Variants in GPD2 observed in about 807,000 individuals in gnomAD.
GPD2 encodes the protein glycerol-3-phosphate dehydrogenase 2.
In GPD2, 54 loss-of-function variants were observed where a neutral mutation model predicts 82.4. The ratio of observed to expected loss-of-function variants is 0.66; its 90% CI spans 0.53 to 0.82. The LOEUF is 0.82. Ranked by LOEUF, GPD2 falls within the 40% of genes least tolerant of loss-of-function variation. The pLI, the probability that GPD2 is intolerant of heterozygous loss-of-function variation, is 0.00. For missense variants in GPD2, 748 were observed against 896.2 expected (o/e 0.83, Z 2.11); for synonymous variants, 288 against 306.1 (o/e 0.94, Z 0.62).
At chr2:156,535,271 A>T (rs1053022300) in intron 6 of GPD2, among the ~76,000 whole-genome samples, 2 of 150,762 alleles carry the variant, frequency 1.3e-5, no homozygotes, top group African/African-American at 4.9e-5. Flanking sequence ...AAGGAATCCC[A>T]GGTGAGAGAG....
At chr2:156,400,808 G>A in the GPD2 span, among the ~76,000 whole-genome samples, 1 of 152,230 alleles carries the variant, frequency 6.6e-6, no homozygotes, top group Non-Finnish European at 1.5e-5. Flanking sequence ...CTTCGCATGT[G>A]TGAGGTCCCG....
chr2:156,562,416 A>G (rs1176678251), intron 9 of GPD2, among the ~76,000 whole-genome samples: 1 of 152,214 alleles, frequency 6.6e-6, no homozygotes, highest in Non-Finnish European at 1.5e-5. Flanking sequence ...TCATTAGTTT[A>G]TAAATGTAAT....
chr2:156,488,564 A>G (rs1684031920), intron 2 of GPD2, among the ~76,000 whole-genome samples: 1 of 151,958 alleles, frequency 6.6e-6, no homozygotes, highest in Non-Finnish European at 1.5e-5. Context: ...AGAAATAGAC[A>G]CTAATTATTA....
At chr2:156,541,700 C>G (rs896387675) in intron 6 of GPD2, among the ~76,000 whole-genome samples, 1 of 152,128 alleles carries the variant, frequency 6.6e-6, no homozygotes. Flanking sequence ...GGCCATATAA[C>G]TGCATAGCCT....
chr2:156,516,937 G>A (rs1229134518), intron 6 of GPD2, among the ~76,000 whole-genome samples: 2 of 152,234 alleles, frequency 1.3e-5, no homozygotes, highest in African/African-American at 4.8e-5. Context: ...CTTCAACGCA[G>A]AGATGTTAGG....
intron 6 of GPD2, among the ~76,000 whole-genome samples, chr2:156,548,248 A>G (rs150771740): frequency 9.8e-4 from 149 of 152,354 alleles, no homozygotes; most frequent in Admixed American, 1.6e-3. Context: ...GCTTAACTTC[A>G]AATATGATTT....
chr2:156,475,958 G>C (rs902491858), intron 1 of GPD2, 140 bp from the exon 2 acceptor site: 1 of 625,608 alleles, frequency 1.6e-6, no homozygotes, highest in Admixed American at 2.5e-5. Flanking sequence ...ATACACATTG[G>C]TTTGTTAGTA....
chr2:156,401,166 AC>A, the GPD2 span, among the ~76,000 whole-genome samples: 1 of 152,102 alleles, frequency 6.6e-6, no homozygotes, highest in African/African-American at 2.4e-5. Context: ...CGGGAATCGA[AC>A]CCGGGCCTCC....
At chr2:156,463,676 T>A (rs1683061527) in intron 1 of GPD2, among the ~76,000 whole-genome samples, 1 of 152,236 alleles carries the variant, frequency 6.6e-6, no homozygotes, top group African/African-American at 2.4e-5. Context: ...AGCGTGTCTT[T>A]CCTTCCAGAA....
chr2:156,482,459 A>G (rs1163546118), intron 2 of GPD2, among the ~76,000 whole-genome samples: 2 of 152,298 alleles, frequency 1.3e-5, no homozygotes, highest in African/African-American at 4.8e-5. Flanking sequence ...AAGTTACAAG[A>G]ATATAGTTCC....
At chr2:156,438,305 G>T (rs971014524) in intron 1 of GPD2, among the ~76,000 whole-genome samples, 2 of 152,178 alleles carry the variant, frequency 1.3e-5, no homozygotes, top group African/African-American at 2.4e-5. Context: ...ATGCTATGAC[G>T]TGTGTAAAAT....
chr2:156,530,397 C>G (rs1685803039), intron 6 of GPD2, among the ~76,000 whole-genome samples: 1 of 150,310 alleles, frequency 6.7e-6, no homozygotes, highest in Non-Finnish European at 1.5e-5. Flanking sequence ...TTGACTTCCT[C>G]TTTTCCTAAC....
intron 2 of GPD2, among the ~76,000 whole-genome samples, chr2:156,491,431 G>T (rs1188517288): frequency 6.6e-6 from 1 of 152,228 alleles, no homozygotes; most frequent in African/African-American, 2.4e-5. Context: ...TTGGGCTGAA[G>T]ACCATAATTT....
intron 1 of GPD2, among the ~76,000 whole-genome samples, chr2:156,469,730 T>C (rs560678878): frequency 1.3e-5 from 2 of 152,342 alleles, no homozygotes; most frequent in East Asian, 3.9e-4. Flanking sequence ...CCATTGGTCA[T>C]GCTTGTAAGG....
chr2:156,578,885 T>G lies in GPD2; in HGVS notation c.1768-4T>G. 1 of 1,536,802 alleles carries G rather than the reference T, an allele frequency of 6.5e-7. No individual in the cohort carries two copies. The highest frequency in any genetic ancestry group is 9.0e-7 in the Non-Finnish European group (1 of 1,110,740). Reference sequence around the variant, plus strand: ...TTTGAACTTTGTGTGTATCTCTGTTTTAGGAACAACTTGAAACAGCCAGGA... The same window carrying G: ...TTTGAACTTTGTGTGTATCTCTGTTGTAGGAACAACTTGAAACAGCCAGGA... On this transcript the variant is annotated splice_region_variant and splice_polypyrimidine_tract_variant and intron_variant, in intron 13 of 16. Coordinates refer to ENST00000438166, the MANE Select transcript of GPD2 (RefSeq NM_000408.5).
chr2:156,509,562 A>G (rs1684910523), intron 3 of GPD2, among the ~76,000 whole-genome samples: 1 of 151,896 alleles, frequency 6.6e-6, no homozygotes, highest in African/African-American at 2.4e-5. Flanking sequence ...CTTTTGGCGT[A>G]TTGGCTTTCA....
intron 13 of GPD2, among the ~76,000 whole-genome samples, chr2:156,575,249 ATGGTCTTGGCAT>A (rs1237879002): frequency 6.6e-6 from 1 of 152,140 alleles, no homozygotes; most frequent in African/African-American, 2.4e-5. Flanking sequence ...CTAGAAACTA[ATGGTCTTGGCAT>A]TGATCTTGCG....
chr2:156,484,637 C>T (rs1017781955), intron 2 of GPD2, among the ~76,000 whole-genome samples: 8 of 151,870 alleles, frequency 5.3e-5, no homozygotes, highest in East Asian at 3.9e-4. Flanking sequence ...GTCAGAAGTT[C>T]GAGACCAGCT....
the GPD2 span, among the ~76,000 whole-genome samples, chr2:156,402,437 T>G: frequency 2.0e-5 from 3 of 152,304 alleles, no homozygotes; most frequent in East Asian, 5.8e-4. Flanking sequence ...CAGACTACAA[T>G]CCTAAATAAC....
Sources: gnomAD v4.1 joint callset for allele counts (sites outside exome capture counted in the v4.1 genomes callset) on GRCh38, gnomAD v4.1.1 for gene constraint, MANE v1.5 for transcripts, NCBI Gene and HGNC (gene_info 2026-07-23, HGNC 2026-07-21) for gene names.